Variants in LY9 observed in about 807,000 individuals in gnomAD.
The protein encoded by LY9 is T-lymphocyte surface antigen Ly-9.
LY9 carries 59 observed loss-of-function variants against 64.6 expected under a neutral mutation model. That is an observed-to-expected ratio of 0.91 (90% confidence interval 0.74 to 1.13). LY9 has a LOEUF of 1.13. LY9 is among the 50% of genes most tolerant of loss of function. The probability of loss-of-function intolerance (pLI) is 0.00; values close to 1 mark genes in which losing one functional copy is unlikely to be tolerated. For missense variants in LY9, 789 were observed against 797.2 expected (o/e 0.99, Z 0.12); for synonymous variants, 281 against 308.5 (o/e 0.91, Z 0.93).
At chr1:160,826,374 A>C (rs1235653753) in intron 9 of LY9, among the ~76,000 whole-genome samples, 1 of 152,184 alleles carries the variant, frequency 6.6e-6, no homozygotes, top group Non-Finnish European at 1.5e-5. Context: ...TTATTGAAAA[A>C]AAATCTGCAT....
chr1:160,808,980 C>A (rs78923015), intron 2 of LY9, among the ~76,000 whole-genome samples: 2 of 152,046 alleles, frequency 1.3e-5, no homozygotes, highest in Non-Finnish European at 2.9e-5. Context: ...GTTATATAAT[C>A]GCCATAATTC....
chr1:160,801,235 T>C (rs1217490723), intron 2 of LY9, among the ~76,000 whole-genome samples: 2 of 152,254 alleles, frequency 1.3e-5, no homozygotes, highest in East Asian at 3.9e-4. Flanking sequence ...ATGTGGTTAG[T>C]GTTTAAATAA....
chr1:160,809,549 A>T (rs754100692), intron 2 of LY9, among the ~76,000 whole-genome samples: 3 of 151,862 alleles, frequency 2.0e-5, no homozygotes, highest in Admixed American at 6.6e-5. Flanking sequence ...TTTTGTAGAG[A>T]CTGGTTCTCA....
Position 160,828,142 on chromosome 1 carries a change from C to T in LY9, c.*326C>T. On this transcript the variant is annotated 3_prime_UTR_variant, in exon 10 of 10. Transcript: ENST00000263285. ...AGGGGCCTGGACCAGCTGTCCTTTA[C>T]ACCACCTTCTCAACACTGCTGAAAA... is the stretch of plus-strand genomic sequence containing the variant. The T allele has an allele frequency of 5.5e-6, 1 of 182,176 alleles. No individual in the cohort carries two copies. 11.3% of individuals were successfully genotyped at this position (182,176 alleles called of 1,614,324 possible).
In LY9 at chr1:160,824,257, G is replaced by A. The variant is rs1668715056; in HGVS notation, c.1899+8G>A. Reference sequence around the variant, plus strand: ...TCCATACGGAAACCTCAGGTGGTGAGAACTACATTCTCTGTATCCCAAGGC... The same window carrying A: ...TCCATACGGAAACCTCAGGTGGTGAAAACTACATTCTCTGTATCCCAAGGC... On this transcript the variant is annotated splice_region_variant and intron_variant, in intron 9 of 9. Coordinates refer to ENST00000263285, the MANE Select transcript of LY9 (RefSeq NM_002348.4). 6.2e-7 allele frequency: 1 copy of A among 1,614,090 alleles called. No homozygotes were observed. Among genetic ancestry groups the A allele is most frequent in the Non-Finnish European group, 8.5e-7 (1 of 1,179,990 alleles).
At chr1:160,825,804 G>A (rs58552586) in intron 9 of LY9, among the ~76,000 whole-genome samples, 4,116 of 152,162 alleles carry the variant, frequency 0.027, 193 homozygotes, top group African/African-American at 0.093. Flanking sequence ...CAGCTACTCA[G>A]GAGGCTGAGG....
rs1371237810 is a variant in LY9, at chr1:160,823,525, C to T, written c.1559C>T (p.Thr520Ile). Residue 520 changes from threonine to isoleucine, a missense_variant, in exon 8 of 10, where the codon ACT becomes ATT. By Grantham distance (89) the Thr-to-Ile change is moderately conservative. Transcript: ENST00000263285. ...VLSQGYEKLD[T>I]PLRPARQQPT... ...TCCCAAGGATATGAGAAGCTGGACA[C>T]TCCCCTCAGGCCTGCCAGGCAACAG... The T allele has an allele frequency of 9.9e-6, 16 of 1,614,200 alleles. No individual in the cohort carries two copies. The highest frequency in any genetic ancestry group is 1.3e-5 in the Non-Finnish European group (15 of 1,180,030).
chr1:160,798,078 A>G (rs758802094), intron 1 of LY9, among the ~76,000 whole-genome samples: 7 of 152,200 alleles, frequency 4.6e-5, no homozygotes, highest in Non-Finnish European at 1.0e-4. Context: ...CTGTCATTGT[A>G]CTGGGAGCTG....
intron 2 of LY9, chr1:160,801,640 A>T: frequency 1.6e-6 from 1 of 625,696 alleles, no homozygotes. Flanking sequence ...ACCAATGTCC[A>T]GGAGAGTTTT....
At chr1:160,820,407 G>C (rs1468842388) in intron 7 of LY9, among the ~76,000 whole-genome samples, 1 of 151,928 alleles carries the variant, frequency 6.6e-6, no homozygotes, top group Admixed American at 6.6e-5. Flanking sequence ...ACCAAATCCT[G>C]CTTTAAAAAA....
intron 2 of LY9, chr1:160,802,266 G>C: frequency 9.8e-7 from 1 of 1,020,850 alleles, no homozygotes; most frequent in South Asian, 4.0e-5. Context: ...TGTCCACCCT[G>C]CAAAGACTCC....
chr1:160,820,842 G>GTT lies in LY9; in HGVS notation c.1498+1482_1498+1483dup, dbSNP rs34903114. On this transcript the variant is annotated intron_variant, in intron 7 of 9. Coordinates refer to ENST00000263285, the MANE Select transcript of LY9 (RefSeq NM_002348.4). The stretch of plus-strand genomic sequence containing the variant: ...CACCAATTTGTTGTTTAATTGAATA[G>GTT]TTTTTTTTTTTTTTTAATTCAAAAG... 2.9e-3 allele frequency among the ~76,000 whole-genome samples: 416 copies of GTT among 145,554 alleles called. 1 individual carries two copies. The highest frequency in any genetic ancestry group is 3.6e-3 in the Middle Eastern group (1 of 280).
intron 5 of LY9, among the ~76,000 whole-genome samples, chr1:160,817,492 CA>C (rs1272250106): frequency 2.0e-5 from 3 of 152,126 alleles, no homozygotes; most frequent in African/African-American, 7.2e-5. Flanking sequence ...GGAGAAAAGC[CA>C]ATAGGAAGCT....
At chr1:160,802,030 C>T (rs1666539973) in intron 2 of LY9, 2 of 1,457,676 alleles carry the variant, frequency 1.4e-6, no homozygotes, top group Non-Finnish European at 1.8e-6. Flanking sequence ...GTGCCACTGC[C>T]CCCCGAGGCT....
chr1:160,819,954 C>T (rs1668286269), intron 7 of LY9, among the ~76,000 whole-genome samples: 1 of 151,812 alleles, frequency 6.6e-6, no homozygotes, highest in Non-Finnish European at 1.5e-5. Context: ...ATTCATATGC[C>T]TACTGAAGTT....
chr1:160,818,254 TC>T lies in LY9; in HGVS notation c.1381del (p.Leu461Ter). The T allele has an allele frequency of 1.2e-6, 2 of 1,614,104 alleles. No individual in the cohort carries two copies. The highest frequency in any genetic ancestry group is 1.7e-6 in the Non-Finnish European group (2 of 1,179,978). ...ERNTKLWIGL[F>X]LMVCLLCVGI... ...AACACAAAGCTTTGGATTGGGTTGTTCCTGATGGTTTGCCTTCTGTGCGTTG... is the reference window on the plus strand; with the variant it reads ...AACACAAAGCTTTGGATTGGGTTGTTCTGATGGTTTGCCTTCTGTGCGTTG... On this transcript the variant is annotated frameshift_variant, in exon 6 of 10. Coordinates refer to ENST00000263285, the MANE Select transcript of LY9 (RefSeq NM_002348.4). LOFTEE classifies it high-confidence loss of function.
chr1:160,817,598 T>A (rs1668057724), intron 5 of LY9, among the ~76,000 whole-genome samples: 2 of 152,216 alleles, frequency 1.3e-5, no homozygotes, highest in Non-Finnish European at 2.9e-5. Context: ...TGCTAAGTAC[T>A]ATTCTAGGCC....
chr1:160,818,918 G>T (rs1478856882), intron 6 of LY9, among the ~76,000 whole-genome samples: 1 of 152,178 alleles, frequency 6.6e-6, no homozygotes, highest in African/African-American at 2.4e-5. Flanking sequence ...CTATAGCCAA[G>T]AAGATACACT....
chr1:160,805,882 A>G (rs1310372307), intron 2 of LY9, among the ~76,000 whole-genome samples: 1 of 130,838 alleles, frequency 7.6e-6, no homozygotes. Context: ...CTCTTGCTGG[A>G]TTGATCCCTT....
Sources: allele counts gnomAD v4.1 joint callset (sites outside exome capture counted in the v4.1 genomes callset), GRCh38; gene constraint gnomAD v4.1.1; transcripts MANE v1.5; gene names NCBI Gene and HGNC (gene_info 2026-07-23, HGNC 2026-07-21).